ADAMTS19: variants seen among roughly 807,000 people sequenced by gnomAD.
ADAMTS19 encodes A disintegrin and metalloproteinase with thrombospondin motifs 19.
In ADAMTS19, 93 loss-of-function variants were observed where a neutral mutation model predicts 153.3. That is an observed-to-expected ratio of 0.61 (90% confidence interval 0.51 to 0.72). The LOEUF is 0.72. Among genes scored for constraint, ADAMTS19 ranks in the 30% least tolerant of loss-of-function variants. ADAMTS19 has a pLI of 0.00. For missense variants in ADAMTS19, 1,482 were observed against 1,552.1 expected (o/e 0.95, Z 0.76); for synonymous variants, 600 against 556.6 (o/e 1.08, Z -1.10).
At chr5:129,533,178 G>A (rs1319496137) in intron 6 of ADAMTS19, among the ~76,000 whole-genome samples, 1 of 152,126 alleles carries the variant, frequency 6.6e-6, no homozygotes. Flanking sequence ...TATAGAGTTT[G>A]AAAATAGGCA....
At chr5:129,512,646 A>G (rs900343970) in intron 3 of ADAMTS19, among the ~76,000 whole-genome samples, 2 of 152,210 alleles carry the variant, frequency 1.3e-5, no homozygotes, top group East Asian at 1.9e-4. Flanking sequence ...GAAAATAAGG[A>G]CACAGGAAAC....
chr5:129,518,981 G>A (rs1751701072), intron 3 of ADAMTS19, among the ~76,000 whole-genome samples: 1 of 152,090 alleles, frequency 6.6e-6, no homozygotes, highest in African/African-American at 2.4e-5. Context: ...TTAAAAGACT[G>A]TGATTCACTC....
At chr5:129,584,459 G>C (rs1749683172) in intron 7 of ADAMTS19, among the ~76,000 whole-genome samples, 1 of 152,146 alleles carries the variant, frequency 6.6e-6, no homozygotes, top group Non-Finnish European at 1.5e-5. Context: ...CAGAGCCGCA[G>C]GCAGGAACAA....
rs186125495 is a variant in ADAMTS19, at chr5:129,580,524, G to A, written c.1373-16035G>A. On this transcript the variant is annotated intron_variant, in intron 7 of 22. Transcript: ENST00000274487. ...TTGTCTTGTGCTGGTTTTCAAAGGGGATGCTTCCAGTTTTTGCCCATTCAC... is the reference window on the plus strand; with the variant it reads ...TTGTCTTGTGCTGGTTTTCAAAGGGAATGCTTCCAGTTTTTGCCCATTCAC... Among the ~76,000 whole-genome samples the A allele has an allele frequency of 2.5e-3, 374 of 152,202 alleles. 1 individual carries two copies. Among genetic ancestry groups the A allele is most frequent in the African/African-American group, 8.8e-3 (364 of 41,532 alleles).
At chr5:129,460,637 G>C (rs1349087066) in intron 1 of ADAMTS19, 155 bp downstream of exon 1, 3 of 758,774 alleles carry the variant, frequency 4.0e-6, no homozygotes, top group Non-Finnish European at 6.6e-6. Context: ...AAGGGGTCAA[G>C]TTCGGAAATG....
At chr5:129,508,613 A>G (rs1751337511) in intron 2 of ADAMTS19, among the ~76,000 whole-genome samples, 1 of 152,040 alleles carries the variant, frequency 6.6e-6, no homozygotes, top group South Asian at 2.1e-4. Context: ...TATTTTATAT[A>G]TTAATTTGAT....
intron 6 of ADAMTS19, among the ~76,000 whole-genome samples, chr5:129,538,261 G>C (rs1303755559): frequency 1.3e-5 from 2 of 152,026 alleles, no homozygotes; most frequent in Admixed American, 1.3e-4. Context: ...AAAAAGTATA[G>C]TTAACATTTT....
At chr5:129,665,874 T>G (rs1754028465) in intron 16 of ADAMTS19, among the ~76,000 whole-genome samples, 2 of 58,504 alleles carry the variant, frequency 3.4e-5, no homozygotes, top group South Asian at 1.4e-3. Context: ...TGGGTATGAT[T>G]TATATTCATA....
intron 11 of ADAMTS19, among the ~76,000 whole-genome samples, chr5:129,643,037 T>G (rs900741736): frequency 6.6e-6 from 1 of 152,068 alleles, no homozygotes; most frequent in African/African-American, 2.4e-5. Context: ...ATACATATGT[T>G]CTAACCTGAA....
At chr5:129,551,820 C>G in intron 6 of ADAMTS19, 44 bp from the exon 7 acceptor site, 1 of 1,316,834 alleles carries the variant, frequency 7.6e-7, no homozygotes, top group Admixed American at 2.2e-5. Flanking sequence ...CTTGTTTGTA[C>G]AAAATAATTT....
intron 21 of ADAMTS19, among the ~76,000 whole-genome samples, chr5:129,710,532 C>T (rs1202078212): frequency 6.6e-6 from 1 of 152,126 alleles, no homozygotes; most frequent in Admixed American, 6.6e-5. Flanking sequence ...CAAATCAAAA[C>T]CCCAGTGTGA....
intron 8 of ADAMTS19, among the ~76,000 whole-genome samples, chr5:129,614,513 T>C (rs1223231040): frequency 2.0e-5 from 3 of 152,044 alleles, no homozygotes; most frequent in Non-Finnish European, 4.4e-5. Context: ...TCTCAATAAA[T>C]TAGGTCTTGA....
In ADAMTS19 at chr5:129,690,229, A is replaced by G. The variant is rs534440626; in HGVS notation, c.2819-4491A>G. 3.3e-5 allele frequency among the ~76,000 whole-genome samples: 5 copies of G among 152,332 alleles called. No individual in the cohort carries two copies. The East Asian group carries it at 9.6e-4, about 29-fold the overall frequency. On this transcript the variant is annotated intron_variant, in intron 18 of 22. Coordinates refer to ENST00000274487, the MANE Select transcript of ADAMTS19 (RefSeq NM_133638.6). ...AAATCACCTTACTCAGTGATAAAGG[A>G]AGATATAGAAAGCCTTCCAAGGATA... is the stretch of plus-strand genomic sequence containing the variant.
At chr5:129,654,157 C>A (rs998618766) in intron 13 of ADAMTS19, 149 bp from the exon 14 acceptor site, 2 of 705,698 alleles carry the variant, frequency 2.8e-6, no homozygotes, top group African/African-American at 1.8e-5. Context: ...ACATAGAAAT[C>A]TTCTAATGTT....
intron 8 of ADAMTS19, among the ~76,000 whole-genome samples, chr5:129,605,245 T>TTGGAACCTTTACAG (rs1750837374): frequency 6.6e-6 from 1 of 152,200 alleles, no homozygotes; most frequent in Admixed American, 6.5e-5. Context: ...AAGAGCTTCC[T>TTGGAACCTTTACAG]GGTTCACTCT....
At position 129,461,613 on chromosome 5, in the gene ADAMTS19, G is replaced by T. The variant is rs1234663370; in HGVS notation, c.603G>T (p.Gln201His). The change falls in exon 2 of 23, where the codon CAG (glutamine) becomes CAT (histidine). Residue 201 changes from glutamine to histidine, a missense_variant. Physicochemically the swap from Gln to His is conservative, Grantham distance 24. Transcript: ENST00000274487. The surrounding 1 kb of genome is among the most constrained non-coding windows in gnomAD (Gnocchi z 4.6). Reference sequence around the variant, plus strand: ...TGGCGCCGCGCTTCGCAGTGGAACAGCGGCCAAATCCCGGCCCCGGCCCCA... The same window carrying T: ...TGGCGCCGCGCTTCGCAGTGGAACATCGGCCAAATCCCGGCCCCGGCCCCA... Reference protein sequence around the residue: ...RFLAPRFAVEQRPNPGPGPTG... With the variant: ...RFLAPRFAVEHRPNPGPGPTG... 2 of 1,575,422 alleles carry T rather than the reference G, an allele frequency of 1.3e-6. No individual in the cohort carries two copies. The highest frequency in any genetic ancestry group is 1.7e-6 in the Non-Finnish European group (2 of 1,165,668).
intron 7 of ADAMTS19, among the ~76,000 whole-genome samples, chr5:129,560,501 G>C (rs1753466589): frequency 6.6e-6 from 1 of 152,170 alleles, no homozygotes; most frequent in Admixed American, 6.5e-5. Context: ...ATGCCTATAG[G>C]CAACCAGCAC....
intron 2 of ADAMTS19, among the ~76,000 whole-genome samples, chr5:129,479,700 A>G (rs1457019832): frequency 1.3e-5 from 2 of 152,190 alleles, no homozygotes; most frequent in Non-Finnish European, 2.9e-5. Context: ...CACATTTACA[A>G]TACTATAAAA....
intron 7 of ADAMTS19, among the ~76,000 whole-genome samples, chr5:129,580,214 C>T (rs1245182327): frequency 2.0e-5 from 3 of 152,130 alleles, no homozygotes; most frequent in African/African-American, 4.8e-5. Flanking sequence ...AATGGGAGTT[C>T]ACTCATGATT....
Sources: allele counts gnomAD v4.1 joint callset (sites outside exome capture counted in the v4.1 genomes callset), GRCh38; gene constraint gnomAD v4.1.1; non-coding constraint Gnocchi (gnomAD v3.1); transcripts MANE v1.5; gene names NCBI Gene and HGNC (gene_info 2026-07-23, HGNC 2026-07-21).